DCAF8L2: variants seen among roughly 807,000 people sequenced by gnomAD.
The protein encoded by DCAF8L2 is DDB1 and CUL4 associated factor 8 like 2.
For synonymous variants in DCAF8L2, 200 were observed against 190.9 expected, an observed-to-expected ratio of 1.05 and a Z score of -0.39; for missense variants, 430 against 490.7, an observed-to-expected ratio of 0.88 and a Z score of 1.17.
the DCAF8L2 span, among the ~76,000 whole-genome samples, chrX:27,529,035 G>C: frequency 9.0e-6 from 1 of 111,623 alleles, no homozygotes; most frequent in Non-Finnish European, 1.9e-5. Context: ...AAGGGCTAGG[G>C]AATTATAGGC....
chrX:27,669,694 A>T (rs766977037), intron 2 of DCAF8L2, among the ~76,000 whole-genome samples: 1 of 108,239 alleles, frequency 9.2e-6, no homozygotes, highest in East Asian at 2.9e-4. Flanking sequence ...TCATTGTTCA[A>T]TCCCCACCTA....
At chrX:27,726,798 CTTATCCA>C (rs750496796) in intron 4 of DCAF8L2, among the ~76,000 whole-genome samples, 1 of 112,177 alleles carries the variant, frequency 8.9e-6, no homozygotes, top group Admixed American at 9.5e-5. Context: ...AGACAACTCA[CTTATCCA>C]TTTCATTCTT....
At chrX:27,478,768 A>G in the DCAF8L2 span, among the ~76,000 whole-genome samples, 1 of 112,277 alleles carries the variant, frequency 8.9e-6, no homozygotes, top group Non-Finnish European at 1.9e-5. Flanking sequence ...AGGAAATTCA[A>G]TATTTAAAAA....
At chrX:27,579,663 A>ACAC in the DCAF8L2 span, among the ~76,000 whole-genome samples, 1 of 74,830 alleles carries the variant, frequency 1.3e-5, no homozygotes, top group Non-Finnish European at 2.6e-5. Context: ...CACACACACA[A>ACAC]ATATACCAAA....
At chrX:27,497,786 C>T in the DCAF8L2 span, among the ~76,000 whole-genome samples, 12 of 111,398 alleles carry the variant, frequency 1.1e-4, no homozygotes, top group Admixed American at 1.1e-3. Context: ...CCAGGCTGGC[C>T]TCAAACTCCT....
the DCAF8L2 span, among the ~76,000 whole-genome samples, chrX:27,581,643 G>A: frequency 1.9e-5 from 2 of 107,088 alleles, no homozygotes; most frequent in African/African-American, 6.8e-5. Context: ...GAGTGCAGTG[G>A]CACCATCTTG....
chrX:27,613,176 A>G (rs1233224211), intron 1 of DCAF8L2, among the ~76,000 whole-genome samples: 2 of 111,050 alleles, frequency 1.8e-5, no homozygotes, highest in Non-Finnish European at 3.8e-5. Flanking sequence ...ATCCCTTGTA[A>G]GTTGGATTCC....
At chrX:27,680,571 A>C (rs1391510990) in intron 3 of DCAF8L2, among the ~76,000 whole-genome samples, 3 of 111,514 alleles carry the variant, frequency 2.7e-5, no homozygotes, top group African/African-American at 9.8e-5. Context: ...TCTATACTTC[A>C]CAGGTTATCT....
At chrX:27,626,018 T>TA (rs1329278988) in intron 1 of DCAF8L2, among the ~76,000 whole-genome samples, 449 of 109,019 alleles carry the variant, frequency 4.1e-3, no homozygotes, top group Middle Eastern at 9.4e-3. Context: ...AAATAAAAGT[T>TA]AAAAAAAAAT....
intron 4 of DCAF8L2, among the ~76,000 whole-genome samples, chrX:27,743,604 C>T (rs1484457468): frequency 9.1e-6 from 1 of 110,032 alleles, no homozygotes; most frequent in African/African-American, 3.3e-5. Flanking sequence ...CCATGTTGGC[C>T]AGGCTGGTCT....
intron 1 of DCAF8L2, among the ~76,000 whole-genome samples, chrX:27,620,856 C>A (rs966572587): frequency 5.4e-5 from 6 of 111,984 alleles, no homozygotes; most frequent in Admixed American, 9.5e-5. Context: ...CTTCAAAGAG[C>A]TATTTATGTA....
intron 1 of DCAF8L2, among the ~76,000 whole-genome samples, chrX:27,595,252 T>A (rs1436658959): frequency 1.8e-5 from 2 of 111,946 alleles, no homozygotes; most frequent in South Asian, 3.8e-4. Context: ...CTCATTAGAA[T>A]GCTAGATTCT....
At chrX:27,686,583 G>T (rs1201829607) in intron 3 of DCAF8L2, among the ~76,000 whole-genome samples, 2 of 111,164 alleles carry the variant, frequency 1.8e-5, no homozygotes, top group Admixed American at 1.9e-4. Flanking sequence ...CTGGGAAGGG[G>T]TAGGGGATGA....
At chrX:27,668,197 G>GA (rs978533336) in intron 2 of DCAF8L2, among the ~76,000 whole-genome samples, 18 of 111,585 alleles carry the variant, frequency 1.6e-4, no homozygotes, top group Non-Finnish European at 2.3e-4. Flanking sequence ...ATAGAAATGA[G>GA]AAAAAAATGA....
chrX:27,693,643 A>C (rs765584446), intron 3 of DCAF8L2, among the ~76,000 whole-genome samples: 2 of 111,398 alleles, frequency 1.8e-5, no homozygotes, highest in East Asian at 5.6e-4. Context: ...GAGAAGTGCA[A>C]ATCAAAACCA....
At chrX:27,666,033 T>G (rs1448252419) in intron 2 of DCAF8L2, among the ~76,000 whole-genome samples, 1 of 111,626 alleles carries the variant, frequency 9.0e-6, no homozygotes, top group Admixed American at 9.6e-5. Flanking sequence ...TATTAAGAAA[T>G]AAAAGCTCAT....
chrX:27,586,874 C>G (rs1389612411), upstream of DCAF8L2, among the ~76,000 whole-genome samples: 5 of 111,018 alleles, frequency 4.5e-5, no homozygotes, highest in African/African-American at 1.6e-4. Flanking sequence ...CTGTCCTGTT[C>G]TAATTGCTCT....
chrX:27,611,086 C>G (rs1046546194), intron 1 of DCAF8L2, among the ~76,000 whole-genome samples: 1 of 111,556 alleles, frequency 9.0e-6, no homozygotes, highest in Admixed American at 9.6e-5. Flanking sequence ...GAGCTTTGGA[C>G]TGTCTGAACA....
chrX:27,575,500 A>T, the DCAF8L2 span, among the ~76,000 whole-genome samples: 1 of 111,444 alleles, frequency 9.0e-6, no homozygotes, highest in East Asian at 2.9e-4. Context: ...GTCCACCCCC[A>T]TATCACTTAA....
Sources: allele counts gnomAD v4.1 joint callset (sites outside exome capture counted in the v4.1 genomes callset), GRCh38; gene constraint gnomAD v4.1.1; transcripts MANE v1.5; gene names NCBI Gene and HGNC (gene_info 2026-07-23, HGNC 2026-07-21).